Variants in IGSF23 observed in about 807,000 individuals in gnomAD.
IGSF23 encodes immunoglobulin superfamily, member 23.
Under a neutral mutation model 17.8 loss-of-function variants are expected in IGSF23, and 14 were observed. The observed-to-expected ratio is 0.79, with a 90% CI of 0.52 to 1.23. The LOEUF is 1.23. IGSF23 is among the 50% of genes most tolerant of loss of function. The pLI is 0.00. For missense variants in IGSF23, 214 were observed against 241.7 expected (o/e 0.89, Z 0.76); for synonymous variants, 85 against 92.5 (o/e 0.92, Z 0.46).
rs571418053 is a variant in IGSF23, at chr19:44,613,933, G to A, written c.125+163G>A. 43 of 1,546,734 alleles carry A rather than the reference G, an allele frequency of 2.8e-5. No individual in the cohort carries two copies. In the East Asian group the frequency reaches 9.6e-4, roughly 34 times the overall value. On this transcript the variant is annotated intron_variant, in intron 1 of 4. Coordinates refer to ENST00000402988, the MANE Select transcript of IGSF23 (RefSeq NM_001205280.2). ...GTCCCTGGACAGAACACGAGATGAG[G>A]GGTCCTCTGGACGTCAGCTCCAGCC...
At chr19:44,630,710 CACGTGTCATGG>C (rs138878072) in intron 3 of IGSF23, among the ~76,000 whole-genome samples, 7,754 of 152,246 alleles carry the variant, frequency 0.051, 236 homozygotes, top group East Asian at 0.1. Context: ...CAGATGAGGC[CACGTGTCATGG>C]ACATGGCTGC....
intron 2 of IGSF23, among the ~76,000 whole-genome samples, chr19:44,626,059 A>C (rs1193243333): frequency 2.0e-5 from 3 of 152,198 alleles, no homozygotes; most frequent in African/African-American, 7.2e-5. Flanking sequence ...TAGCAGTATG[A>C]AAATGGACTA....
chr19:44,617,661 T>C (rs1052085891), intron 1 of IGSF23, among the ~76,000 whole-genome samples: 2 of 152,222 alleles, frequency 1.3e-5, no homozygotes, highest in Non-Finnish European at 2.9e-5. Flanking sequence ...TATAACCCTT[T>C]ATTATTTCTA....
chr19:44,627,671 C>A lies in IGSF23; in HGVS notation c.545+98C>A, dbSNP rs565397485. 60 of 1,347,490 alleles carry A rather than the reference C, an allele frequency of 4.5e-5. No homozygotes were observed. In the African/African-American group the frequency reaches 8.6e-4, roughly 19 times the overall value. The allele number at this position is 1,347,490 out of a possible 1,614,324, so 83.5% of individuals were successfully genotyped here. A position where few individuals can be genotyped will look rare whatever the true frequency, so the allele number is the denominator to read the frequency against. On this transcript the variant is annotated intron_variant, in intron 3 of 4. Coordinates refer to ENST00000402988, the MANE Select transcript of IGSF23 (RefSeq NM_001205280.2). Reference sequence around the variant, plus strand: ...CAAGGAAACAGAGATGAAACCAACACCCCCATCAGGGAGGGTGATAGCGAC... The same window carrying A: ...CAAGGAAACAGAGATGAAACCAACAACCCCATCAGGGAGGGTGATAGCGAC...
At chr19:44,633,063 A>C (rs1972804042) in intron 3 of IGSF23, among the ~76,000 whole-genome samples, 1 of 152,264 alleles carries the variant, frequency 6.6e-6, no homozygotes, top group South Asian at 2.1e-4. Flanking sequence ...TCAAGCCAGA[A>C]TAAGAAGCTG....
chr19:44,634,823 A>G (rs957381147), intron 3 of IGSF23, among the ~76,000 whole-genome samples: 1 of 152,064 alleles, frequency 6.6e-6, no homozygotes, highest in African/African-American at 2.4e-5. Context: ...AAGAAAAAAA[A>G]AAAAAAACCC....
At chr19:44,627,052 G>A (rs1972665757) in intron 2 of IGSF23, among the ~76,000 whole-genome samples, 1 of 152,188 alleles carries the variant, frequency 6.6e-6, no homozygotes, top group Admixed American at 6.5e-5. Flanking sequence ...GTGGAGTCCA[G>A]GGTTGCATGG....
intron 1 of IGSF23, among the ~76,000 whole-genome samples, chr19:44,621,477 C>T (rs1482269660): frequency 6.6e-6 from 1 of 150,736 alleles, no homozygotes; most frequent in Admixed American, 6.6e-5. Flanking sequence ...GGTGAGACCC[C>T]ATCTCTACAA....
intron 1 of IGSF23, among the ~76,000 whole-genome samples, chr19:44,614,246 G>A (rs1483618895): frequency 6.6e-6 from 1 of 152,046 alleles, no homozygotes; most frequent in Non-Finnish European, 1.5e-5. Context: ...GGCTGGCAAG[G>A]GGCAGGATCA....
chr19:44,625,064 CA>C (rs955582804), intron 2 of IGSF23, among the ~76,000 whole-genome samples: 4 of 148,940 alleles, frequency 2.7e-5, no homozygotes, highest in Non-Finnish European at 6.0e-5. Flanking sequence ...ATGACTGTCT[CA>C]AAAAAAAAAT....
At position 44,629,796 on chromosome 19, in the gene IGSF23, G is replaced by A. The variant is rs867272352; in HGVS notation, c.545+2223G>A. Among the ~76,000 whole-genome samples the A allele has an allele frequency of 7.9e-5, 12 of 152,042 alleles. 1 individual carries two copies. The South Asian group carries it at 2.5e-3, about 32-fold the overall frequency. ...CTACAGGCGGGCACCACCATGCCCA[G>A]CCAATTTTTGTATTTTTAGTAGAGA... On this transcript the variant is annotated intron_variant, in intron 3 of 4. Coordinates refer to ENST00000402988, the MANE Select transcript of IGSF23 (RefSeq NM_001205280.2).
intron 2 of IGSF23, among the ~76,000 whole-genome samples, chr19:44,625,382 G>A (rs1012865722): frequency 9.2e-5 from 14 of 152,054 alleles, no homozygotes; most frequent in Admixed American, 3.9e-4. Context: ...ATATACAGTC[G>A]GTATATGGAG....
chr19:44,614,856 C>T (rs1266714177), intron 1 of IGSF23, among the ~76,000 whole-genome samples: 1 of 152,164 alleles, frequency 6.6e-6, no homozygotes, highest in Admixed American at 6.5e-5. Context: ...GTCATGTGCC[C>T]TCTCCAGGTC....
At chr19:44,617,158 T>TC (rs1191795450) in intron 1 of IGSF23, among the ~76,000 whole-genome samples, 1 of 43,412 alleles carries the variant, frequency 2.3e-5, no homozygotes, top group Non-Finnish European at 4.5e-5. Context: ...GCCCCACCCC[T>TC]CCCCCCGCCC....
intron 3 of IGSF23, among the ~76,000 whole-genome samples, chr19:44,628,118 T>C (rs1972696726): frequency 6.6e-6 from 1 of 152,046 alleles, no homozygotes; most frequent in African/African-American, 2.4e-5. Context: ...CTAATTTTTG[T>C]ATATTTAGCA....
At chr19:44,614,437 T>A (rs1972323245) in intron 1 of IGSF23, among the ~76,000 whole-genome samples, 1 of 152,078 alleles carries the variant, frequency 6.6e-6, no homozygotes, top group Non-Finnish European at 1.5e-5. Context: ...TGTTTTTTTG[T>A]TTTGTTTTGT....
At chr19:44,623,120 A>G (rs1972557571) in intron 1 of IGSF23, among the ~76,000 whole-genome samples, 1 of 152,176 alleles carries the variant, frequency 6.6e-6, no homozygotes, top group African/African-American at 2.4e-5. Flanking sequence ...CGAGTCCTAG[A>G]GCCTTAGAGT....
chr19:44,618,015 C>T (rs1351764346), intron 1 of IGSF23: 8 of 464,120 alleles, frequency 1.7e-5, no homozygotes, highest in East Asian at 7.0e-5. Flanking sequence ...AATATACGTG[C>T]GTGCTTCAAG....
chr19:44,628,411 G>A (rs1389107665), intron 3 of IGSF23, among the ~76,000 whole-genome samples: 1 of 152,110 alleles, frequency 6.6e-6, no homozygotes, highest in Admixed American at 6.6e-5. Flanking sequence ...ATCCTGGTCG[G>A]GGACACCATC....
Sources: gnomAD v4.1 joint callset for allele counts (sites outside exome capture counted in the v4.1 genomes callset) on GRCh38, gnomAD v4.1.1 for gene constraint, MANE v1.5 for transcripts, NCBI Gene and HGNC (gene_info 2026-07-23, HGNC 2026-07-21) for gene names.